Variants in LRRC8D observed in about 807,000 individuals in gnomAD.
The protein encoded by LRRC8D is leucine rich repeat containing 8 VRAC subunit D.
A neutral mutation model predicts 55.8 loss-of-function variants in LRRC8D; 20 were observed. The ratio of observed to expected loss-of-function variants is 0.36; its 90% CI spans 0.25 to 0.52. The LOEUF (loss-of-function observed/expected upper bound fraction) is 0.52, where lower values mean the gene tolerates loss of function less well. LRRC8D is among the 20% of genes least tolerant of loss of function. The probability of loss-of-function intolerance (pLI) is 0.93; values close to 1 mark genes in which losing one functional copy is unlikely to be tolerated. For synonymous variants in LRRC8D, 352 were observed against 377.0 expected (o/e 0.93, Z 0.77); for missense variants, 651 against 1,030.8 (o/e 0.63, Z 5.05).
chr1:89,926,274 A>T (rs1453554399), intron 2 of LRRC8D, among the ~76,000 whole-genome samples: 1 of 152,266 alleles, frequency 6.6e-6, no homozygotes, highest in Non-Finnish European at 1.5e-5. Flanking sequence ...AACTTTTGCC[A>T]TTAAAAGTAG....
chr1:89,850,800 C>T (rs1661393480), intron 2 of LRRC8D, among the ~76,000 whole-genome samples: 1 of 152,102 alleles, frequency 6.6e-6, no homozygotes, highest in African/African-American at 2.4e-5. Context: ...CTTCTTGTTA[C>T]ATGTACATTT....
intron 2 of LRRC8D, among the ~76,000 whole-genome samples, chr1:89,885,117 C>A (rs1334560276): frequency 6.6e-6 from 1 of 152,176 alleles, no homozygotes; most frequent in African/African-American, 2.4e-5. Flanking sequence ...CTGTCTGCTG[C>A]CTATTAAATA....
chr1:89,857,882 C>T (rs554808279), intron 2 of LRRC8D, among the ~76,000 whole-genome samples: 15 of 152,326 alleles, frequency 9.8e-5, no homozygotes, highest in African/African-American at 3.6e-4. Context: ...TTTTGCTCTT[C>T]ACTATCTTTC....
At chr1:89,932,354 G>C (rs1296761534) in intron 2 of LRRC8D, among the ~76,000 whole-genome samples, 5 of 152,116 alleles carry the variant, frequency 3.3e-5, no homozygotes, top group African/African-American at 9.7e-5. Context: ...CAGAGTTTCA[G>C]CTATATATAT....
At chr1:89,836,877 A>G (rs1661015573) in intron 1 of LRRC8D, among the ~76,000 whole-genome samples, 1 of 152,188 alleles carries the variant, frequency 6.6e-6, no homozygotes, top group South Asian at 2.1e-4. Context: ...TTATGTGCAA[A>G]TTTGATTAAA....
In LRRC8D at chr1:89,933,788, CAGCAGTGATG is replaced by C; in HGVS notation, c.722_731del (p.Ser241LysfsTer10). The C allele has an allele frequency of 6.2e-7, 1 of 1,614,072 alleles. No homozygotes were observed. The highest frequency in any genetic ancestry group is 8.5e-7 in the Non-Finnish European group (1 of 1,179,998). ...AGACTCTACCAAAGCATGTTTCTAC[CAGCAGTGATG>C]AAGGGAGCCCCAGTGCCAGTACACC... On this transcript the variant is annotated frameshift_variant, in exon 3 of 3. Transcript: ENST00000337338. LOFTEE classifies it high-confidence loss of function. This position sits in a 1 kb window ranked among gnomAD's most constrained non-coding sequence, Gnocchi z 7.0.
At chr1:89,892,226 T>G (rs1662595566) in intron 2 of LRRC8D, among the ~76,000 whole-genome samples, 1 of 150,256 alleles carries the variant, frequency 6.7e-6, no homozygotes, top group African/African-American at 2.5e-5. Flanking sequence ...CCTCGCTCCA[T>G]GTTTGAGTTT....
chr1:89,870,304 GTC>G (rs912867055), intron 2 of LRRC8D, among the ~76,000 whole-genome samples: 6 of 151,538 alleles, frequency 4.0e-5, no homozygotes, highest in Admixed American at 6.6e-5. Flanking sequence ...GTGAAACCCT[GTC>G]TCTACTAAAA....
chr1:89,834,345 T>C (rs1054027096), intron 1 of LRRC8D, among the ~76,000 whole-genome samples: 1 of 152,220 alleles, frequency 6.6e-6, no homozygotes, highest in African/African-American at 2.4e-5. Flanking sequence ...ACGGCTATCA[T>C]GTTAGTGCAT....
At chr1:89,869,008 G>A (rs574520000) in intron 2 of LRRC8D, among the ~76,000 whole-genome samples, 1 of 152,298 alleles carries the variant, frequency 6.6e-6, no homozygotes, top group African/African-American at 2.4e-5. Context: ...CTAGGTTCAA[G>A]TGATTCTGCT....
chr1:89,866,209 A>G (rs1021232911), intron 2 of LRRC8D, among the ~76,000 whole-genome samples: 10 of 152,200 alleles, frequency 6.6e-5, no homozygotes, highest in Non-Finnish European at 1.5e-4. Flanking sequence ...TTATGGTGCC[A>G]TGAAATTAAA....
chr1:89,916,825 C>A (rs1319554698), intron 2 of LRRC8D, among the ~76,000 whole-genome samples: 1 of 152,040 alleles, frequency 6.6e-6, no homozygotes, highest in Non-Finnish European at 1.5e-5. Context: ...ACATTTAAAT[C>A]CAATTTTGTG....
chr1:89,900,985 G>C (rs1570872914), intron 2 of LRRC8D, among the ~76,000 whole-genome samples: 3 of 152,286 alleles, frequency 2.0e-5, no homozygotes, highest in Admixed American at 2.0e-4. Context: ...AGGCTTTCCT[G>C]CCATACGTTA....
intron 1 of LRRC8D, among the ~76,000 whole-genome samples, chr1:89,827,730 C>A (rs1371939866): frequency 6.6e-6 from 1 of 152,196 alleles, no homozygotes; most frequent in Non-Finnish European, 1.5e-5. Flanking sequence ...TGCTCCGGTA[C>A]TCTGTCAGTG....
intron 2 of LRRC8D, among the ~76,000 whole-genome samples, chr1:89,863,853 C>G (rs545853273): frequency 3.9e-5 from 6 of 152,158 alleles, no homozygotes; most frequent in Non-Finnish European, 7.4e-5. Context: ...GGGAGTGGGT[C>G]ATGGGAAAAA....
At position 89,936,577 on chromosome 1, in the gene LRRC8D, T is replaced by C. The variant is rs1008852353; in HGVS notation, c.*932T>C. On this transcript the variant is annotated 3_prime_UTR_variant, in exon 3 of 3. Transcript: ENST00000337338. ...GAAAATAATAGGAAATGTAGTTCATTGGGTAGGGAAACTCTTACCTTTCCC... is the reference window on the plus strand; with the variant it reads ...GAAAATAATAGGAAATGTAGTTCATCGGGTAGGGAAACTCTTACCTTTCCC... 6.6e-5 allele frequency: 10 copies of C among 152,222 alleles called. No individual in the cohort carries two copies. The highest frequency in any genetic ancestry group is 1.3e-4 in the Non-Finnish European group (9 of 68,042). 9.4% of individuals were successfully genotyped at this position (152,222 alleles called of 1,614,324 possible). A position where few individuals can be genotyped will look rare whatever the true frequency, so the allele number is the denominator to read the frequency against.
At chr1:89,855,123 T>C (rs931231644) in intron 2 of LRRC8D, among the ~76,000 whole-genome samples, 4 of 152,138 alleles carry the variant, frequency 2.6e-5, no homozygotes, top group African/African-American at 9.7e-5. Flanking sequence ...GTTAAAAGTG[T>C]AGTATTGTAG....
intron 2 of LRRC8D, among the ~76,000 whole-genome samples, chr1:89,889,496 T>C (rs1297066616): frequency 6.6e-6 from 1 of 151,968 alleles, no homozygotes; most frequent in Non-Finnish European, 1.5e-5. Flanking sequence ...TGTATGATAT[T>C]ATTAATGGGT....
intron 2 of LRRC8D, among the ~76,000 whole-genome samples, chr1:89,910,224 C>T (rs1663102914): frequency 6.6e-6 from 1 of 152,210 alleles, no homozygotes; most frequent in Non-Finnish European, 1.5e-5. Flanking sequence ...TACTGGAGGA[C>T]TGTTCCAGCA....
Sources: allele counts gnomAD v4.1 joint callset (sites outside exome capture counted in the v4.1 genomes callset), GRCh38; gene constraint gnomAD v4.1.1; non-coding constraint Gnocchi (gnomAD v3.1); transcripts MANE v1.5; gene names NCBI Gene and HGNC (gene_info 2026-07-23, HGNC 2026-07-21).